The following C12orf56 variants were observed in gnomAD, a reference collection of about 807,000 sequenced individuals.
C12orf56 encodes the protein uncharacterized protein C12orf56.
In C12orf56, 71 loss-of-function variants were observed where a neutral mutation model predicts 69.9. The observed-to-expected ratio is 1.02, with a 90% CI of 0.84 to 1.24. The LOEUF is 1.24. C12orf56 is among the 50% of genes most tolerant of loss of function. The pLI is 0.00. For synonymous variants in C12orf56, 276 were observed against 274.1 expected (o/e 1.01, Z -0.07); for missense variants, 732 against 738.5 (o/e 0.99, Z 0.10).
At chr12:64,387,080 A>C (rs1026928111) in intron 1 of C12orf56, among the ~76,000 whole-genome samples, 56 of 32,620 alleles carry the variant, frequency 1.7e-3, no homozygotes, top group African/African-American at 2.9e-3. Flanking sequence ...TCTATCTCAA[A>C]AAAAAAAAAA....
chr12:64,301,031 C>T (rs1034257865), intron 6 of C12orf56, among the ~76,000 whole-genome samples: 2 of 152,182 alleles, frequency 1.3e-5, no homozygotes. Context: ...CACATTCTCT[C>T]TCTCTCTCCT....
intron 1 of C12orf56, among the ~76,000 whole-genome samples, chr12:64,379,308 C>T (rs1216681518): frequency 2.0e-5 from 3 of 147,368 alleles, no homozygotes; most frequent in African/African-American, 2.5e-5. Flanking sequence ...TTTTTTGAGA[C>T]GGAGTCTCGC....
chr12:64,344,638 C>T (rs1275874229), intron 2 of C12orf56, among the ~76,000 whole-genome samples: 1 of 152,112 alleles, frequency 6.6e-6, no homozygotes, highest in African/African-American at 2.4e-5. Context: ...ACTGCAGTTC[C>T]CACCGTTAGA....
At chr12:64,365,850 G>A (rs1206878684) in intron 1 of C12orf56, among the ~76,000 whole-genome samples, 1 of 133,844 alleles carries the variant, frequency 7.5e-6, no homozygotes, top group African/African-American at 2.8e-5. Flanking sequence ...TGTATATATT[G>A]TATTATATAT....
rs187819694 is a variant in C12orf56 at position 64,390,737 on chromosome 12, C to T, written c.-172G>A. 254 of 909,386 alleles carry T rather than the reference C, an allele frequency of 2.8e-4. 1 individual carries two copies. The East Asian group carries it at 4.4e-3, about 16-fold the overall frequency. 56.3% of individuals were successfully genotyped at this position (909,386 alleles called of 1,614,324 possible). The stretch of plus-strand genomic sequence containing the variant: ...AGGAATCGACGCTAGGTCGGCTTCC[C>T]TGGAGCGCCCTCCCCAGCCCTGTCC... On this transcript the variant is annotated 5_prime_UTR_variant, in exon 1 of 13. Coordinates refer to ENST00000543942, the MANE Select transcript of C12orf56 (RefSeq NM_001170633.2).
chr12:64,289,813 T>C (rs1422048971), intron 6 of C12orf56, among the ~76,000 whole-genome samples: 1 of 49,176 alleles, frequency 2.0e-5, no homozygotes, highest in East Asian at 3.9e-4. Flanking sequence ...AAAATTCTCT[T>C]TTTTGGTTGT....
At chr12:64,320,821 A>T (rs1419171985) in intron 3 of C12orf56, among the ~76,000 whole-genome samples, 1 of 152,192 alleles carries the variant, frequency 6.6e-6, no homozygotes, top group East Asian at 1.9e-4. Flanking sequence ...CCAGTAATCA[A>T]ACTGAACTTG....
chr12:64,343,497 G>A (rs2039101322), intron 2 of C12orf56, among the ~76,000 whole-genome samples: 1 of 152,206 alleles, frequency 6.6e-6, no homozygotes, highest in Non-Finnish European at 1.5e-5. Context: ...ACTTCTGGTG[G>A]GCCTATGGAT....
chr12:64,353,589 G>A (rs1327191454), intron 1 of C12orf56, among the ~76,000 whole-genome samples: 2 of 152,030 alleles, frequency 1.3e-5, no homozygotes, highest in Non-Finnish European at 2.9e-5. Flanking sequence ...CAGAACCCAA[G>A]AAACTATTTA....
At chr12:64,323,549 C>T (rs954406085) in intron 3 of C12orf56, among the ~76,000 whole-genome samples, 3 of 145,200 alleles carry the variant, frequency 2.1e-5, no homozygotes, top group African/African-American at 7.7e-5. Context: ...CCTAAAACAA[C>T]TACTGCAAAC....
At chr12:64,383,410 T>C (rs1453981520) in intron 1 of C12orf56, among the ~76,000 whole-genome samples, 4 of 152,044 alleles carry the variant, frequency 2.6e-5, no homozygotes, top group Non-Finnish European at 5.9e-5. Flanking sequence ...CAGAGTCTTG[T>C]TTGTTGCCCA....
chr12:64,339,081 T>G (rs2039036826), intron 2 of C12orf56, among the ~76,000 whole-genome samples: 1 of 152,238 alleles, frequency 6.6e-6, no homozygotes, highest in Non-Finnish European at 1.5e-5. Context: ...CTCTACAATT[T>G]ATCATTCTTT....
chr12:64,356,170 C>CAAAAAAAAAAAAAAAAAAA (rs761289428), intron 1 of C12orf56, among the ~76,000 whole-genome samples: 2 of 48,432 alleles, frequency 4.1e-5, no homozygotes, highest in African/African-American at 9.4e-5. Context: ...GACTCCATCT[C>CAAAAAAAAAAAAAAAAAAA]AAAAAAAAAA....
chr12:64,357,311 G>A (rs148787780), intron 1 of C12orf56, among the ~76,000 whole-genome samples: 1 of 152,066 alleles, frequency 6.6e-6, no homozygotes, highest in African/African-American at 2.4e-5. Context: ...TGGGAGATTT[G>A]TCAATGCTTT....
At chr12:64,286,131 C>T (rs2038199035) in intron 6 of C12orf56, 71 bp from the exon 7 acceptor site, 2 of 911,026 alleles carry the variant, frequency 2.2e-6, no homozygotes, top group South Asian at 3.3e-5. Flanking sequence ...CTCTCATGTA[C>T]TAAAAATATG....
intron 4 of C12orf56, among the ~76,000 whole-genome samples, chr12:64,317,130 A>G (rs1384149373): frequency 6.6e-6 from 1 of 152,188 alleles, no homozygotes; most frequent in Non-Finnish European, 1.5e-5. Flanking sequence ...AATTTAAAGA[A>G]AGCCATTTAA....
At chr12:64,321,679 T>C (rs2038775743) in intron 3 of C12orf56, among the ~76,000 whole-genome samples, 1 of 152,154 alleles carries the variant, frequency 6.6e-6, no homozygotes, top group African/African-American at 2.4e-5. Context: ...ATTTATTTTT[T>C]TAAACTCTCT....
At chr12:64,362,774 T>A (rs1332193601) in intron 1 of C12orf56, among the ~76,000 whole-genome samples, 7 of 152,134 alleles carry the variant, frequency 4.6e-5, no homozygotes, top group African/African-American at 1.4e-4. Flanking sequence ...ATTTCTTGAT[T>A]ATATGCTAAA....
Position 64,390,359 on chromosome 12 carries a change from G to A in C12orf56, c.207C>T (p.Ser69=), listed in dbSNP as rs769036346. The part of the protein sequence containing the change: ...LVYLTENPPK[S]IRRVVALRDV... The stretch of plus-strand genomic sequence containing the variant: ...CCCGCAGAGCCACTACCCGCCGGAT[G>A]GACTTGGGCGGGTTCTCGGTTAGGT... The change falls in exon 1 of 13, where the codon TCC becomes TCT. Residue 69 remains serine, a synonymous_variant. Coordinates refer to ENST00000543942, the MANE Select transcript of C12orf56 (RefSeq NM_001170633.2). The A allele has an allele frequency of 6.2e-7, 1 of 1,612,788 alleles. No homozygotes were observed. Among genetic ancestry groups the A allele is most frequent in the Admixed American group, 1.7e-5 (1 of 60,008 alleles).
Sources: gnomAD v4.1 joint callset for allele counts (sites outside exome capture counted in the v4.1 genomes callset) on GRCh38, gnomAD v4.1.1 for gene constraint, MANE v1.5 for transcripts, NCBI Gene and HGNC (gene_info 2026-07-23, HGNC 2026-07-21) for gene names.